PDGFD: variants seen among roughly 807,000 people sequenced by gnomAD.
The protein encoded by PDGFD is platelet derived growth factor D, also known as platelet-derived growth factor D.
A neutral mutation model predicts 44.7 loss-of-function variants in PDGFD; 30 were observed. The ratio of observed to expected loss-of-function variants is 0.67; its 90% CI spans 0.50 to 0.91. PDGFD has a LOEUF of 0.91. Ranked by LOEUF, PDGFD falls within the 40% of genes least tolerant of loss-of-function variation. The pLI, the probability that PDGFD is intolerant of heterozygous loss-of-function variation, is 0.00. For missense variants in PDGFD, 445 were observed against 457.8 expected, an observed-to-expected ratio of 0.97 and a Z score of 0.25; for synonymous variants, 173 against 168.4, an observed-to-expected ratio of 1.03 and a Z score of -0.21.
At chr11:104,002,446 T>C (rs1859634612) in intron 1 of PDGFD, among the ~76,000 whole-genome samples, 4 of 152,164 alleles carry the variant, frequency 2.6e-5, no homozygotes, top group Admixed American at 2.6e-4. Context: ...CCTGCTGCCA[T>C]GTAAAAGGTG....
intron 1 of PDGFD, among the ~76,000 whole-genome samples, chr11:104,138,515 C>T (rs774980397): frequency 2.0e-5 from 3 of 152,160 alleles, no homozygotes; most frequent in South Asian, 2.1e-4. Flanking sequence ...CTCTTTAAAA[C>T]GGTGGTCCAC....
chr11:104,090,471 AT>A (rs1459523541), intron 1 of PDGFD, among the ~76,000 whole-genome samples: 7 of 149,552 alleles, frequency 4.7e-5, no homozygotes, highest in African/African-American at 1.7e-4. Context: ...AAAAAAAAAA[AT>A]ACAAAAATCA....
chr11:104,113,944 T>C (rs1861596584), intron 1 of PDGFD, among the ~76,000 whole-genome samples: 2 of 152,106 alleles, frequency 1.3e-5, no homozygotes, highest in Non-Finnish European at 2.9e-5. Context: ...CAACTTTTAA[T>C]TTGTTTTCTT....
At chr11:104,153,100 C>G (rs1260040917) in intron 1 of PDGFD, among the ~76,000 whole-genome samples, 2 of 151,746 alleles carry the variant, frequency 1.3e-5, no homozygotes, top group African/African-American at 4.9e-5. Context: ...ATCTTTATGA[C>G]CTTCTCTTAT....
At chr11:103,950,619 T>C (rs989179984) in intron 3 of PDGFD, among the ~76,000 whole-genome samples, 18 of 134,654 alleles carry the variant, frequency 1.3e-4, no homozygotes, top group Admixed American at 8.0e-4. Context: ...CTTAGAGAGA[T>C]AGATGATGTG....
intron 6 of PDGFD, among the ~76,000 whole-genome samples, chr11:103,911,304 A>T (rs1445942625): frequency 3.3e-5 from 5 of 152,156 alleles, no homozygotes; most frequent in African/African-American, 1.2e-4. Context: ...ATCTCCCATT[A>T]GGGGCCAATA....
At chr11:104,108,844 A>T (rs1020819211) in intron 1 of PDGFD, among the ~76,000 whole-genome samples, 2 of 152,188 alleles carry the variant, frequency 1.3e-5, no homozygotes, top group Non-Finnish European at 2.9e-5. Context: ...AATGTGGCAC[A>T]TATACACCAT....
chr11:104,126,544 T>C (rs1257194288), intron 1 of PDGFD, among the ~76,000 whole-genome samples: 1 of 152,190 alleles, frequency 6.6e-6, no homozygotes, highest in African/African-American at 2.4e-5. Context: ...TGACTTACTA[T>C]GTGCTAGGCA....
chr11:104,105,449 GA>G (rs956864367), intron 1 of PDGFD, among the ~76,000 whole-genome samples: 5 of 150,420 alleles, frequency 3.3e-5, no homozygotes, highest in African/African-American at 4.9e-5. Flanking sequence ...AAACTATGGA[GA>G]AAAAAAAATA....
At chr11:104,048,295 AT>A (rs1860474504) in intron 1 of PDGFD, among the ~76,000 whole-genome samples, 1 of 151,898 alleles carries the variant, frequency 6.6e-6, no homozygotes, top group African/African-American at 2.4e-5. Context: ...CTGAGAAATA[AT>A]TTTTGCAACA....
rs558813850 is a variant in PDGFD, at chr11:104,142,391, ACAAATG to A, written c.124+21407_124+21412del. Among the ~76,000 whole-genome samples the A allele has an allele frequency of 2.4e-3, 362 of 152,274 alleles. 3 individuals carry two copies. The highest frequency in any genetic ancestry group is 8.3e-3 in the African/African-American group (343 of 41,556). ...ATATAACATATACTCACACACAAAT[ACAAATG>A]CCTGGATACATAATATTTAACATAT... On this transcript the variant is annotated intron_variant, in intron 1 of 6. Coordinates refer to ENST00000393158, the MANE Select transcript of PDGFD (RefSeq NM_025208.5).
At chr11:104,022,748 T>G (rs900865281) in intron 1 of PDGFD, among the ~76,000 whole-genome samples, 2 of 151,708 alleles carry the variant, frequency 1.3e-5, no homozygotes, top group African/African-American at 4.8e-5. Flanking sequence ...ATATAATGTG[T>G]GTGTACATAT....
chr11:103,942,927 C>CA (rs1389256440), intron 5 of PDGFD, among the ~76,000 whole-genome samples: 4 of 151,992 alleles, frequency 2.6e-5, no homozygotes. Flanking sequence ...CCTTGCTTGC[C>CA]AAAAAATAAG....
intron 1 of PDGFD, among the ~76,000 whole-genome samples, chr11:104,049,100 T>C (rs260817): frequency 0.019 from 2,948 of 152,256 alleles, 106 homozygotes; most frequent in African/African-American, 0.067. Context: ...CACTCTATCA[T>C]ATTACCTCTC....
intron 1 of PDGFD, among the ~76,000 whole-genome samples, chr11:104,122,142 C>A (rs1591176034): frequency 6.6e-6 from 1 of 151,846 alleles, no homozygotes; most frequent in Non-Finnish European, 1.5e-5. Context: ...CCTGAAAAAT[C>A]AAACTGTAAA....
At chr11:104,161,950 A>T (rs971483631) in intron 1 of PDGFD, among the ~76,000 whole-genome samples, 9 of 148,906 alleles carry the variant, frequency 6.0e-5, no homozygotes, top group South Asian at 2.1e-4. Context: ...AATCAAAGAG[A>T]GTGTGTGTGT....
intron 1 of PDGFD, among the ~76,000 whole-genome samples, chr11:104,152,712 T>C (rs979578908): frequency 2.0e-5 from 3 of 152,122 alleles, no homozygotes; most frequent in African/African-American, 7.2e-5. Context: ...TTCTCCATAT[T>C]TCACTGATAA....
intron 6 of PDGFD, among the ~76,000 whole-genome samples, chr11:103,911,997 C>T (rs1466467080): frequency 1.3e-5 from 2 of 152,052 alleles, no homozygotes; most frequent in African/African-American, 2.4e-5. Context: ...ACCAAATCTA[C>T]ATTTGATTGG....
At chr11:104,031,643 G>C (rs1591129147) in intron 1 of PDGFD, among the ~76,000 whole-genome samples, 2 of 152,260 alleles carry the variant, frequency 1.3e-5, no homozygotes, top group Middle Eastern at 3.4e-3. Context: ...TCATTACTAA[G>C]TATATGCCCC....
Sources: allele counts gnomAD v4.1 joint callset (sites outside exome capture counted in the v4.1 genomes callset), GRCh38; gene constraint gnomAD v4.1.1; transcripts MANE v1.5; gene names NCBI Gene and HGNC (gene_info 2026-07-23, HGNC 2026-07-21).